PYHIN1: variants seen among roughly 807,000 people sequenced by gnomAD.
The protein encoded by PYHIN1 is pyrin and HIN domain family member 1.
Under a neutral mutation model 43.7 loss-of-function variants are expected in PYHIN1, and 32 were observed. That is an observed-to-expected ratio of 0.73 (90% CI 0.55 to 0.98). The LOEUF is 0.98. Ranked by LOEUF, PYHIN1 falls within the 50% of genes least tolerant of loss-of-function variation. The pLI is 0.00. For missense variants in PYHIN1, 588 were observed against 589.5 expected (o/e 1.00, Z 0.03); for synonymous variants, 205 against 203.1 (o/e 1.01, Z -0.08).
intron 7 of PYHIN1, among the ~76,000 whole-genome samples, chr1:158,964,442 G>A (rs1184921868): frequency 9.9e-5 from 15 of 152,168 alleles, no homozygotes; most frequent in South Asian, 2.1e-4. Flanking sequence ...TTCCAAGGTC[G>A]AAATGAATTT....
In PYHIN1 at chr1:158,976,687, C is replaced by T. The variant is rs1233561135; in HGVS notation, c.*6-14C>T. 6.3e-7 allele frequency: 1 copy of T among 1,584,096 alleles called. No homozygotes were observed. Among genetic ancestry groups the T allele is most frequent in the Admixed American group, 1.8e-5 (1 of 57,132 alleles). ...CATCTCAACGGGTTTATTTTTATCT[C>T]TTTATGCTTCAAGGTCACCAAGGAC... On this transcript the variant is annotated splice_polypyrimidine_tract_variant and intron_variant, in intron 8 of 8. Transcript: ENST00000368140.
chr1:158,946,115 G>T (rs1017380042), intron 7 of PYHIN1, among the ~76,000 whole-genome samples: 3 of 152,210 alleles, frequency 2.0e-5, no homozygotes, highest in Non-Finnish European at 2.9e-5. Flanking sequence ...GTCATTTAAT[G>T]AATATGTTTG....
intron 7 of PYHIN1, among the ~76,000 whole-genome samples, chr1:158,972,163 A>G (rs1264767362): frequency 6.6e-6 from 1 of 151,998 alleles, no homozygotes; most frequent in Non-Finnish European, 1.5e-5. Flanking sequence ...TTCAAAGTGT[A>G]TAGTCTGCAT....
At chr1:158,957,436 G>T (rs28798229) in intron 7 of PYHIN1, among the ~76,000 whole-genome samples, 16,385 of 149,238 alleles carry the variant, frequency 0.11, 1,040 homozygotes, top group Non-Finnish European at 0.12. Context: ...AACAGAGCCC[G>T]CAGAAATAAT....
chr1:158,938,248 TG>T, intron 2 of PYHIN1, 148 bp from the exon 3 acceptor site: 1 of 801,624 alleles, frequency 1.2e-6, no homozygotes, highest in Non-Finnish European at 2.0e-6. Context: ...GCTGGCCTCC[TG>T]GAAGCCAGAC....
In PYHIN1 at chr1:158,956,532, A is replaced by G. The variant is rs1649943378; in HGVS notation, c.1359+11490A>G. On this transcript the variant is annotated intron_variant, in intron 7 of 8. Transcript: ENST00000368140. ...TGATTATCTCAATAGATGCAGAAAA[A>G]GCCTTTGACAAAATTCAACAACCCT... Among the ~76,000 whole-genome samples the G allele has an allele frequency of 2.0e-5, 3 of 151,150 alleles. No homozygotes were observed. The South Asian group carries it at 6.2e-4, about 31-fold the overall frequency.
At chr1:158,941,553 G>A (rs1409812719) in intron 4 of PYHIN1, among the ~76,000 whole-genome samples, 4 of 152,188 alleles carry the variant, frequency 2.6e-5, no homozygotes, top group African/African-American at 4.8e-5. Context: ...GTTGATGTAT[G>A]TGGTTTGTGG....
chr1:158,984,843 G>A, the PYHIN1 span, among the ~76,000 whole-genome samples: 6 of 152,122 alleles, frequency 3.9e-5, no homozygotes, highest in Admixed American at 1.3e-4. Context: ...AGTGCTGAAT[G>A]CACACATCTT....
chr1:158,970,505 T>G (rs892679673), intron 7 of PYHIN1, among the ~76,000 whole-genome samples: 1 of 152,002 alleles, frequency 6.6e-6, no homozygotes, highest in Non-Finnish European at 1.5e-5. Flanking sequence ...TATCACTTCT[T>G]GGCCTTTCCA....
intron 7 of PYHIN1, among the ~76,000 whole-genome samples, chr1:158,950,364 G>C (rs1384678999): frequency 6.6e-6 from 1 of 152,112 alleles, no homozygotes; most frequent in Non-Finnish European, 1.5e-5. Context: ...TAATGTCCGG[G>C]GCTTGTGTCA....
At chr1:158,986,218 C>A in the PYHIN1 span, among the ~76,000 whole-genome samples, 1 of 152,110 alleles carries the variant, frequency 6.6e-6, no homozygotes, top group Non-Finnish European at 1.5e-5. Flanking sequence ...GGTTCTTTCC[C>A]ATCTGTGTGG....
rs148929282 is a variant in PYHIN1, at chr1:158,947,973, CCAG to C, written c.1359+2933_1359+2935del. On this transcript the variant is annotated intron_variant, in intron 7 of 8. Transcript: ENST00000368140. ...TATCTTGAGACTTTTACAAAACCTT[CCAG>C]CCTTCCAAGAAGATTTGTGTCTATG... Among the ~76,000 whole-genome samples the C allele has an allele frequency of 6.6e-3, 1,007 of 152,342 alleles. 9 individuals carry two copies. Among genetic ancestry groups the C allele is most frequent in the African/African-American group, 0.023 (940 of 41,576 alleles).
Position 158,938,545 on chromosome 1 carries a change from A to G in PYHIN1, c.411+3A>G. ...CAGAGGAGACTCTTGGACCTCAGGTAAGCTTCAGGAAGAGGAGCAGGCTTC... is the reference window on the plus strand; with the variant it reads ...CAGAGGAGACTCTTGGACCTCAGGTGAGCTTCAGGAAGAGGAGCAGGCTTC... On this transcript the variant is annotated splice_donor_region_variant and intron_variant, in intron 3 of 8. Transcript: ENST00000368140. 1.2e-6 allele frequency: 2 copies of G among 1,613,688 alleles called. No homozygotes were observed. Among genetic ancestry groups the G allele is most frequent in the Non-Finnish European group, 1.7e-6 (2 of 1,179,818 alleles).
intron 3 of PYHIN1, 143 bp from the exon 4 acceptor site, chr1:158,938,937 T>C: frequency 1.8e-6 from 1 of 550,796 alleles, no homozygotes; most frequent in Non-Finnish European, 3.0e-6. Context: ...ATCTATGCCA[T>C]GTTCTTTCAA....
Position 158,943,930 on chromosome 1 carries a change from G to A in PYHIN1, c.1143G>A (p.Lys381=). The A allele has an allele frequency of 6.2e-7, 1 of 1,607,412 alleles. No homozygotes were observed. Among genetic ancestry groups the A allele is most frequent in the Middle Eastern group, 1.7e-4 (1 of 6,042 alleles). Residue 381 remains lysine, a synonymous_variant, in exon 6 of 9, where the codon AAG becomes AAA. Coordinates refer to ENST00000368140, the MANE Select transcript of PYHIN1 (RefSeq NM_152501.5). ...GACTCTTCTGCTTTCGACTGAGAAA[G>A]AGGGAAAATATGTCAAAACTGATGT... ...KLRLFCFRLR[K]RENMSKLMSE... is the part of the protein sequence containing the mutation.
At chr1:158,941,235 T>C (rs1032794091) in intron 4 of PYHIN1, among the ~76,000 whole-genome samples, 1 of 152,226 alleles carries the variant, frequency 6.6e-6, no homozygotes, top group African/African-American at 2.4e-5. Flanking sequence ...TTTCCCTTCA[T>C]TAATGTGTTC....
chr1:158,978,339 A>T (rs1038923004), downstream of PYHIN1, among the ~76,000 whole-genome samples: 1 of 152,054 alleles, frequency 6.6e-6, no homozygotes, highest in South Asian at 2.1e-4. Flanking sequence ...ATTTTGAAGG[A>T]TGTTTTGAAG....
chr1:158,939,008 C>A, intron 3 of PYHIN1, 72 bp from the exon 4 acceptor site: 3 of 1,145,104 alleles, frequency 2.6e-6, no homozygotes, highest in Non-Finnish European at 3.6e-6. Context: ...AAATATATTA[C>A]CTTGTAATGA....
chr1:158,978,945 G>C (rs1429768344), downstream of PYHIN1, among the ~76,000 whole-genome samples: 1 of 152,160 alleles, frequency 6.6e-6, no homozygotes, highest in East Asian at 1.9e-4. Flanking sequence ...GAGAAAGACA[G>C]AACAGCTCAC....
Sources: gnomAD v4.1 joint callset for allele counts (sites outside exome capture counted in the v4.1 genomes callset) on GRCh38, gnomAD v4.1.1 for gene constraint, MANE v1.5 for transcripts, NCBI Gene and HGNC (gene_info 2026-07-23, HGNC 2026-07-21) for gene names.